AKAP13: variants seen among roughly 807,000 people sequenced by gnomAD.
The protein encoded by AKAP13 is A-kinase anchor protein 13.
A neutral mutation model predicts 264.5 loss-of-function variants in AKAP13; 80 were observed. That is an observed-to-expected ratio of 0.30 (90% CI 0.25 to 0.36). The LOEUF is 0.36. Among genes scored for constraint, AKAP13 ranks in the 10% least tolerant of loss-of-function variants. The pLI, the probability that AKAP13 is intolerant of heterozygous loss-of-function variation, is 1.00. For synonymous variants in AKAP13, 1,380 were observed against 1,250.2 expected, an observed-to-expected ratio of 1.10 and a Z score of -2.19; for missense variants, 3,712 against 3,435.2, an observed-to-expected ratio of 1.08 and a Z score of -2.01.
chr15:85,602,747 C>G (rs2080146352), intron 8 of AKAP13, among the ~76,000 whole-genome samples: 1 of 152,200 alleles, frequency 6.6e-6, no homozygotes, highest in Admixed American at 6.5e-5. Context: ...CTCAGCTTCC[C>G]AAAGTGCTGG....
In AKAP13 at chr15:85,724,653, A is replaced by C. The variant is rs1453257394; in HGVS notation, c.6745+1333A>C. On this transcript the variant is annotated intron_variant, in intron 26 of 36. Coordinates refer to ENST00000394518, the MANE Select transcript of AKAP13 (RefSeq NM_007200.5). The surrounding 1 kb of genome is among the most constrained non-coding windows in gnomAD (Gnocchi z 4.2). ...TACTATTGATGAGGGAAGGGGGCAA[A>C]GAATGGGTTCAAAAACGAGAACGGC... is the stretch of plus-strand genomic sequence containing the variant. Among the ~76,000 whole-genome samples the C allele has an allele frequency of 6.6e-6, 1 of 151,600 alleles. No homozygotes were observed. Among genetic ancestry groups the C allele is most frequent in the East Asian group, 2.0e-4 (1 of 5,108 alleles).
chr15:85,741,477 A>T lies in AKAP13; in HGVS notation c.8040A>T (p.Thr2680=). ...REAERLSQRQ[T]ERDLCQVSHP... is the part of the protein sequence containing the mutation. ...CAGAGCGGCTCAGCCAGCGGCAGAC[A>T]GAACGGGACCTGTGTCAGGTAATGG... The change falls in exon 35 of 37, where the codon ACA becomes ACT. Residue 2680 remains threonine, a synonymous_variant. Transcript: ENST00000394518. The T allele has an allele frequency of 3.1e-6, 5 of 1,599,544 alleles. No individual in the cohort carries two copies. The highest frequency in any genetic ancestry group is 2.2e-5 in the East Asian group (1 of 44,520).
At chr15:85,501,983 C>T (rs1011837155) in intron 2 of AKAP13, among the ~76,000 whole-genome samples, 4 of 152,200 alleles carry the variant, frequency 2.6e-5, no homozygotes, top group East Asian at 3.8e-4. Flanking sequence ...GTAACTGGTA[C>T]GGCGGAGCAT....
chr15:85,521,798 T>A (rs7162739), intron 3 of AKAP13, among the ~76,000 whole-genome samples: 42,990 of 152,076 alleles, frequency 0.28, 7,395 homozygotes, highest in African/African-American at 0.49. Flanking sequence ...GTCGGCCACC[T>A]ACCAAATTCT....
chr15:85,475,618 A>G (rs2075133633), intron 1 of AKAP13, among the ~76,000 whole-genome samples: 1 of 152,198 alleles, frequency 6.6e-6, no homozygotes, highest in Admixed American at 6.5e-5. Context: ...TGAATTCCCC[A>G]GCTCTGGTCC....
At chr15:85,532,187 T>C (rs1280492756) in intron 3 of AKAP13, among the ~76,000 whole-genome samples, 1 of 152,178 alleles carries the variant, frequency 6.6e-6, no homozygotes, top group East Asian at 1.9e-4. Context: ...CACCCTAAAA[T>C]TACACAGCAG....
intron 35 of AKAP13, among the ~76,000 whole-genome samples, chr15:85,742,399 A>C (rs1192401856): frequency 6.6e-6 from 1 of 152,246 alleles, no homozygotes; most frequent in Non-Finnish European, 1.5e-5. Context: ...CTGAGACAGC[A>C]GGAAATGGCT....
chr15:85,391,492 T>C (rs2070852840), intron 1 of AKAP13, among the ~76,000 whole-genome samples: 1 of 151,690 alleles, frequency 6.6e-6, no homozygotes, highest in South Asian at 2.1e-4. Context: ...TTTTCTTTTT[T>C]TTTTTTTTTT....
intron 5 of AKAP13, among the ~76,000 whole-genome samples, chr15:85,569,050 A>T (rs1303416567): frequency 1.3e-5 from 2 of 152,220 alleles, no homozygotes; most frequent in African/African-American, 4.8e-5. Context: ...GAATGTTCTG[A>T]GCAAGGGAAG....
chr15:85,569,541 C>T (rs2078732228), intron 5 of AKAP13, among the ~76,000 whole-genome samples: 2 of 150,748 alleles, frequency 1.3e-5, no homozygotes, highest in South Asian at 2.1e-4. Flanking sequence ...CAACCTCTGC[C>T]TCCCGGGTTC....
At position 85,442,529 on chromosome 15, in the gene AKAP13, TA is replaced by T. The variant is rs1210419477; in HGVS notation, c.-11-43180del. ...TATATATAATATATATTATATTATATATAATATATATTATATATATATTTAT... is the reference window on the plus strand; with the variant it reads ...TATATATAATATATATTATATTATATTAATATATATTATATATATATTTAT... On this transcript the variant is annotated intron_variant, in intron 1 of 36. Transcript: ENST00000394518. Among the ~76,000 whole-genome samples, 17 of 124,744 alleles carry T rather than the reference TA, an allele frequency of 1.4e-4. No individual in the cohort carries two copies. In the South Asian group the frequency reaches 2.3e-3, roughly 17 times the overall value. 81.8% of individuals were successfully genotyped at this position (124,744 alleles called of 152,430 possible).
chr15:85,632,055 A>G (rs1384297127), intron 8 of AKAP13, among the ~76,000 whole-genome samples: 1 of 152,218 alleles, frequency 6.6e-6, no homozygotes, highest in African/African-American at 2.4e-5. Context: ...AATTTTTAAT[A>G]CTATATAATA....
chr15:85,695,730 A>G (rs1366881823), intron 17 of AKAP13, among the ~76,000 whole-genome samples: 1 of 152,234 alleles, frequency 6.6e-6, no homozygotes, highest in African/African-American at 2.4e-5. Flanking sequence ...GATCACACAC[A>G]TTAATGTCAT....
intron 1 of AKAP13, among the ~76,000 whole-genome samples, chr15:85,422,508 G>C (rs1410386056): frequency 6.6e-6 from 1 of 152,186 alleles, no homozygotes; most frequent in African/African-American, 2.4e-5. Context: ...TAATTGGTTA[G>C]TTTGGACTTT....
chr15:85,423,143 C>G (rs1364214158), intron 1 of AKAP13, among the ~76,000 whole-genome samples: 6 of 152,200 alleles, frequency 3.9e-5, no homozygotes. Context: ...TGGATGGCTG[C>G]TAACTGATCA....
At chr15:85,639,279 A>G in intron 8 of AKAP13, 95 bp from the exon 9 acceptor site, 1 of 884,390 alleles carries the variant, frequency 1.1e-6, no homozygotes, top group Admixed American at 2.2e-5. Context: ...AAAGAAAAAG[A>G]TAGGAATGTT....
At chr15:85,738,895 T>C (rs975773728) in intron 33 of AKAP13, among the ~76,000 whole-genome samples, 13 of 151,512 alleles carry the variant, frequency 8.6e-5, no homozygotes, top group African/African-American at 2.9e-4. Flanking sequence ...TCCAGCCTTC[T>C]ACATAACATA....
At chr15:85,413,197 G>A (rs567724726) in intron 1 of AKAP13, among the ~76,000 whole-genome samples, 2 of 152,178 alleles carry the variant, frequency 1.3e-5, no homozygotes, top group South Asian at 2.1e-4. Context: ...AAGATCCTGC[G>A]CATGTTTTCT....
At chr15:85,496,489 C>A (rs2075877072) in intron 2 of AKAP13, among the ~76,000 whole-genome samples, 1 of 152,104 alleles carries the variant, frequency 6.6e-6, no homozygotes, top group African/African-American at 2.4e-5. Flanking sequence ...AAAATTTATT[C>A]CTGAACAAGT....
Sources: gnomAD v4.1 joint callset for allele counts (sites outside exome capture counted in the v4.1 genomes callset) on GRCh38, gnomAD v4.1.1 for gene constraint, Gnocchi (gnomAD v3.1) non-coding constraint, MANE v1.5 for transcripts, NCBI Gene and HGNC (gene_info 2026-07-23, HGNC 2026-07-21) for gene names.